The following G3BP2 variants were observed in gnomAD, a reference collection of about 807,000 sequenced individuals.
G3BP2 encodes ras GTPase-activating protein-binding protein 2.
Under a neutral mutation model 56.7 loss-of-function variants are expected in G3BP2, and 11 were observed. That is an observed-to-expected ratio of 0.19 (90% CI 0.12 to 0.32). The LOEUF (loss-of-function observed/expected upper bound fraction) is 0.32. Ranked by LOEUF, G3BP2 falls within the 10% of genes least tolerant of loss-of-function variation. The probability of loss-of-function intolerance (pLI) is 1.00; values close to 1 mark genes in which losing one functional copy is unlikely to be tolerated. For synonymous variants in G3BP2, 165 were observed against 191.6 expected (o/e 0.86, Z 1.15); for missense variants, 340 against 610.9 (o/e 0.56, Z 4.67).
chr4:75,688,835 G>C (rs1718731030), intron 3 of G3BP2, among the ~76,000 whole-genome samples: 2 of 152,200 alleles, frequency 1.3e-5, no homozygotes, highest in Non-Finnish European at 2.9e-5. Context: ...AGGAAACGAT[G>C]AGTAAATTAT....
In G3BP2 at chr4:75,658,936, T is replaced by C. The variant is rs2148989851; in HGVS notation, c.96-12A>G. On this transcript the variant is annotated splice_polypyrimidine_tract_variant and intron_variant, in intron 2 of 11. Transcript: ENST00000359707. ...TCCTGCCATAAAACCTGCAAAACCA[T>C]AATTAATGATTAACACTGAATTGTC... The C allele has an allele frequency of 1.9e-6, 3 of 1,569,406 alleles. No individual in the cohort carries two copies. The highest frequency in any genetic ancestry group is 4.5e-5 in the East Asian group (2 of 44,686).
intron 3 of G3BP2, among the ~76,000 whole-genome samples, chr4:75,687,788 T>TGGCC (rs1718673731): frequency 6.6e-6 from 1 of 151,914 alleles, no homozygotes; most frequent in Non-Finnish European, 1.5e-5. Flanking sequence ...AATCCAGGAG[T>TGGCC]GGCCAACTTG....
chr4:75,648,669 G>T lies in G3BP2; in HGVS notation c.898C>A (p.Pro300Thr). 6.2e-7 allele frequency: 1 copy of T among 1,609,192 alleles called. No homozygotes were observed. The highest frequency in any genetic ancestry group is 8.5e-7 in the Non-Finnish European group (1 of 1,175,712). The change falls in exon 9 of 12, where the codon CCT becomes ACT. Residue 300 changes from proline (P) to threonine (T), a missense_variant. By Grantham distance (38) the Pro-to-Thr change is conservative (BLOSUM62 -1). Around this residue, in one of 4 missense-constraint regions of G3BP2, gnomAD observed 224 missense variants for 332.5 expected, o/e 0.67. Coordinates refer to ENST00000359707, the MANE Select transcript of G3BP2 (RefSeq NM_203505.3). ...RVREQRPRERPGFPPRGPRPG... is the reference protein window; with the variant it reads ...RVREQRPRERTGFPPRGPRPG... ...CTTGGTCCTCTAGGAGGAAAACCAG[G>T]TCGTTCTCTAGGTCGTTGTTCACGC...
intron 3 of G3BP2, chr4:75,694,942 G>A: frequency 1.0e-6 from 1 of 985,410 alleles, no homozygotes; most frequent in African/African-American, 1.7e-5. Flanking sequence ...GGAGCAGCAA[G>A]ACAAGAAAGG....
chr4:75,673,472 A>AC, upstream of G3BP2: 3 of 1,231,822 alleles, frequency 2.4e-6, no homozygotes, highest in Non-Finnish European at 3.0e-6. Flanking sequence ...GGGCCAGGGA[A>AC]CCCCCGAGCA....
intron 3 of G3BP2, among the ~76,000 whole-genome samples, chr4:75,693,367 T>C (rs1436191286): frequency 6.6e-6 from 1 of 152,180 alleles, no homozygotes; most frequent in Non-Finnish European, 1.5e-5. Context: ...AATGAGGACA[T>C]CAGTAGCTGC....
intron 8 of G3BP2, among the ~76,000 whole-genome samples, chr4:75,652,671 A>C (rs1410019484): frequency 6.6e-6 from 1 of 152,166 alleles, no homozygotes; most frequent in Non-Finnish European, 1.5e-5. Flanking sequence ...ATATGGACTC[A>C]TGTCCCACTG....
At chr4:75,654,949 C>A (rs924025234) in intron 7 of G3BP2, 117 bp downstream of exon 7, 2 of 701,136 alleles carry the variant, frequency 2.9e-6, no homozygotes, top group South Asian at 2.1e-5. Flanking sequence ...CAGCTTCTTT[C>A]ATATACATAA....
upstream of G3BP2, chr4:75,673,453 C>T (rs896746750): frequency 4.1e-6 from 5 of 1,232,136 alleles, no homozygotes; most frequent in African/African-American, 4.7e-5. Context: ...TGTTTTACCC[C>T]TGCCGAAAGG....
At chr4:75,679,389 A>G (rs139442763) in intron 3 of G3BP2, among the ~76,000 whole-genome samples, 4 of 152,334 alleles carry the variant, frequency 2.6e-5, no homozygotes, top group African/African-American at 4.8e-5. Flanking sequence ...TCTCCCTGCA[A>G]TCTTTCCAGC....
At chr4:75,671,950 G>A (rs988583880) in intron 1 of G3BP2, among the ~76,000 whole-genome samples, 1 of 152,138 alleles carries the variant, frequency 6.6e-6, no homozygotes, top group African/African-American at 2.4e-5. Context: ...GAGAAAAATT[G>A]CCATCATCTC....
chr4:75,646,654 C>G (rs1731227955), intron 10 of G3BP2, among the ~76,000 whole-genome samples, 198 bp from the exon 11 acceptor site: 1 of 152,208 alleles, frequency 6.6e-6, no homozygotes, highest in Non-Finnish European at 1.5e-5. Flanking sequence ...TGCCCGCCTG[C>G]TGTGTTACCT....
intron 3 of G3BP2, among the ~76,000 whole-genome samples, chr4:75,698,075 C>A (rs1198929987): frequency 2.0e-5 from 3 of 152,280 alleles, no homozygotes; most frequent in Non-Finnish European, 4.4e-5. Context: ...ATGTTCTAAT[C>A]CACAGACCTG....
intron 9 of G3BP2, among the ~76,000 whole-genome samples, chr4:75,647,525 A>G (rs1377361026): frequency 6.6e-6 from 1 of 152,228 alleles, no homozygotes. Context: ...GTTTTTTGAA[A>G]TTCAAAATTC....
At chr4:75,695,679 C>G (rs559584425) in intron 3 of G3BP2, among the ~76,000 whole-genome samples, 1 of 151,990 alleles carries the variant, frequency 6.6e-6, no homozygotes, top group South Asian at 2.1e-4. Flanking sequence ...TACACAAAAG[C>G]CCAAAACACC....
intron 9 of G3BP2, 118 bp from the exon 10 acceptor site, chr4:75,647,275 T>A (rs937834827): frequency 1.1e-5 from 7 of 636,344 alleles, no homozygotes; most frequent in Admixed American, 3.0e-5. Context: ...TAAGACTAGG[T>A]GAGCTTCTTG....
In G3BP2 at chr4:75,666,796, A is replaced by G. The variant is rs1327067465; in HGVS notation, c.-24-4747T>C. Among the ~76,000 whole-genome samples the G allele has an allele frequency of 4.6e-5, 7 of 152,236 alleles. No individual in the cohort carries two copies. In the East Asian group the frequency reaches 1.3e-3, roughly 29 times the overall value. The stretch of plus-strand genomic sequence containing the variant: ...TAGCAAATCATCTTACAGGTAATCC[A>G]TTTCTAGATCTGGGACCTTCCATTT... On this transcript the variant is annotated intron_variant, in intron 1 of 11. Coordinates refer to ENST00000359707, the MANE Select transcript of G3BP2 (RefSeq NM_203505.3).
At chr4:75,722,111 G>C (rs534298952) in intron 2 of G3BP2, among the ~76,000 whole-genome samples, 6 of 151,948 alleles carry the variant, frequency 3.9e-5, no homozygotes, top group African/African-American at 1.5e-4. Flanking sequence ...AAAATCAGTA[G>C]AAGTGGATTA....
At chr4:75,715,718 A>G (rs941944302) in intron 3 of G3BP2, among the ~76,000 whole-genome samples, 2 of 152,168 alleles carry the variant, frequency 1.3e-5, no homozygotes, top group Non-Finnish European at 2.9e-5. Context: ...AAGCTAATCA[A>G]CCCATCAGCC....
Sources: allele counts gnomAD v4.1 joint callset (sites outside exome capture counted in the v4.1 genomes callset), GRCh38; gene constraint gnomAD v4.1.1; regional missense constraint gnomAD v4.1.1; transcripts MANE v1.5; gene names NCBI Gene and HGNC (gene_info 2026-07-23, HGNC 2026-07-21).